EXOC4: variants seen among roughly 807,000 people sequenced by gnomAD.
EXOC4 encodes the protein exocyst complex component 4.
In EXOC4, 71 loss-of-function variants were observed where a neutral mutation model predicts 107.2. The observed-to-expected ratio is 0.66, with a 90% CI of 0.55 to 0.81. The LOEUF (loss-of-function observed/expected upper bound fraction) is 0.81, where lower values mean the gene tolerates loss of function less well. Ranked by LOEUF, EXOC4 falls within the 30% of genes least tolerant of loss-of-function variation. The pLI is 0.00. For missense variants in EXOC4, 1,108 were observed against 1,189.6 expected (o/e 0.93, Z 1.01); for synonymous variants, 456 against 441.2 (o/e 1.03, Z -0.42).
intron 11 of EXOC4, among the ~76,000 whole-genome samples, chr7:133,886,076 A>G (rs1372107215): frequency 6.6e-6 from 1 of 152,086 alleles, no homozygotes; most frequent in African/African-American, 2.4e-5. Flanking sequence ...GTATAACCAG[A>G]GAACTAGGGA....
rs184531791 is a variant in EXOC4, at chr7:134,000,164, T to C, written c.2348+2531T>C. 7.2e-5 allele frequency among the ~76,000 whole-genome samples: 11 copies of C among 152,316 alleles called. No homozygotes were observed. The East Asian group carries it at 1.9e-3, about 27-fold the overall frequency. ...TTTCTAATGAGTATGCTCCATTTTGTCTTTGTTCCTTTTAAAGTAAGGTAG... is the reference window on the plus strand; with the variant it reads ...TTTCTAATGAGTATGCTCCATTTTGCCTTTGTTCCTTTTAAAGTAAGGTAG... On this transcript the variant is annotated intron_variant, in intron 15 of 17. Transcript: ENST00000253861.
intron 6 of EXOC4, among the ~76,000 whole-genome samples, chr7:133,361,797 T>A (rs1443499065): frequency 6.6e-6 from 1 of 152,186 alleles, no homozygotes; most frequent in Non-Finnish European, 1.5e-5. Flanking sequence ...GATGTATTAC[T>A]TCAAAATAAA....
At chr7:133,790,020 G>A (rs577636445) in intron 10 of EXOC4, among the ~76,000 whole-genome samples, 22 of 152,266 alleles carry the variant, frequency 1.4e-4, no homozygotes, top group African/African-American at 4.3e-4. Context: ...CAAACCTGAC[G>A]CCAGTAGTGT....
At chr7:133,304,370 T>C (rs1232741839) in intron 3 of EXOC4, among the ~76,000 whole-genome samples, 1 of 152,220 alleles carries the variant, frequency 6.6e-6, no homozygotes, top group Non-Finnish European at 1.5e-5. Context: ...CAGCTTGCTC[T>C]GGGCCCAGGG....
At chr7:134,022,836 A>G (rs1795057604) in intron 17 of EXOC4, among the ~76,000 whole-genome samples, 1 of 152,222 alleles carries the variant, frequency 6.6e-6, no homozygotes, top group Non-Finnish European at 1.5e-5. Context: ...CAAAATAGGA[A>G]TTGTTCACAT....
chr7:133,724,764 T>C (rs1390191455), intron 10 of EXOC4, among the ~76,000 whole-genome samples: 1 of 152,150 alleles, frequency 6.6e-6, no homozygotes, highest in East Asian at 1.9e-4. Context: ...CATGCAGTTA[T>C]TTGGAGACAG....
intron 14 of EXOC4, among the ~76,000 whole-genome samples, chr7:133,951,191 T>C (rs1800682721): frequency 6.6e-6 from 1 of 152,214 alleles, no homozygotes; most frequent in Non-Finnish European, 1.5e-5. Flanking sequence ...GACCCAGCCC[T>C]ACCCATGGAA....
intron 11 of EXOC4, among the ~76,000 whole-genome samples, chr7:133,857,466 T>G: frequency 8.2e-6 from 1 of 121,370 alleles, no homozygotes; most frequent in Non-Finnish European, 1.7e-5. Context: ...GCGGCGCCTC[T>G]GCTTGAGTTT....
chr7:133,358,449 C>T (rs1250090811), intron 6 of EXOC4, among the ~76,000 whole-genome samples: 4 of 152,278 alleles, frequency 2.6e-5, no homozygotes, highest in Middle Eastern at 3.4e-3. Context: ...TGTTTATTAT[C>T]GGTGCCTTCC....
At chr7:133,578,662 C>T (rs1016204878) in intron 9 of EXOC4, among the ~76,000 whole-genome samples, 8 of 152,260 alleles carry the variant, frequency 5.3e-5, no homozygotes, top group African/African-American at 1.9e-4. Flanking sequence ...TAAAGTAATG[C>T]ACTATTAGTT....
At chr7:133,269,761 G>A (rs868773931) in intron 1 of EXOC4, among the ~76,000 whole-genome samples, 5 of 152,254 alleles carry the variant, frequency 3.3e-5, no homozygotes, top group Middle Eastern at 3.4e-3. Context: ...CATGTTGTGG[G>A]ATATAAAACC....
chr7:133,487,781 A>C (rs1799297706), intron 9 of EXOC4, among the ~76,000 whole-genome samples: 1 of 152,198 alleles, frequency 6.6e-6, no homozygotes, highest in Non-Finnish European at 1.5e-5. Flanking sequence ...AAAACTTCTG[A>C]AATGATGCAA....
intron 7 of EXOC4, among the ~76,000 whole-genome samples, chr7:133,429,403 T>A (rs905628292): frequency 5.9e-5 from 9 of 152,218 alleles, no homozygotes; most frequent in Non-Finnish European, 1.3e-4. Flanking sequence ...GACCTAAATT[T>A]TTTCCATAAT....
intron 9 of EXOC4, among the ~76,000 whole-genome samples, chr7:133,495,301 C>T (rs1799451670): frequency 6.6e-6 from 1 of 151,660 alleles, no homozygotes; most frequent in African/African-American, 2.4e-5. Context: ...GATGCCTGTA[C>T]ACTGAATCTT....
intron 15 of EXOC4, among the ~76,000 whole-genome samples, chr7:134,003,479 T>C (rs1396293210): frequency 1.3e-5 from 2 of 152,208 alleles, no homozygotes; most frequent in Non-Finnish European, 2.9e-5. Context: ...TAAAGAAAGA[T>C]GACAGGCAAA....
intron 12 of EXOC4, among the ~76,000 whole-genome samples, chr7:133,908,033 T>C (rs1353990707): frequency 6.6e-6 from 1 of 152,140 alleles, no homozygotes; most frequent in Non-Finnish European, 1.5e-5. Context: ...CCAGTACATA[T>C]CAGTTGCCCT....
intron 11 of EXOC4, among the ~76,000 whole-genome samples, chr7:133,874,770 T>C (rs1432795832): frequency 2.0e-5 from 3 of 152,252 alleles, no homozygotes; most frequent in Non-Finnish European, 2.9e-5. Context: ...TCCTCTGACA[T>C]GTTGATTGAT....
intron 10 of EXOC4, among the ~76,000 whole-genome samples, chr7:133,655,127 TTTTC>T (rs1204036105): frequency 4.6e-5 from 7 of 152,074 alleles, no homozygotes; most frequent in Admixed American, 1.3e-4. Flanking sequence ...TTAAAAATAT[TTTTC>T]TTTCTTCAAT....
chr7:133,755,276 T>TTA (rs1795886168), intron 10 of EXOC4, among the ~76,000 whole-genome samples: 1 of 105,382 alleles, frequency 9.5e-6, no homozygotes, highest in Non-Finnish European at 1.9e-5. Flanking sequence ...ATATATATTA[T>TTA]ATATATTATA....
Sources: allele counts gnomAD v4.1 joint callset (sites outside exome capture counted in the v4.1 genomes callset), GRCh38; gene constraint gnomAD v4.1.1; transcripts MANE v1.5; gene names NCBI Gene and HGNC (gene_info 2026-07-23, HGNC 2026-07-21).